PIP5K1B: variants seen among roughly 807,000 people sequenced by gnomAD.
PIP5K1B encodes the protein phosphatidylinositol-4-phosphate 5-kinase type 1 beta.
A neutral mutation model predicts 67.0 loss-of-function variants in PIP5K1B; 42 were observed. The observed-to-expected ratio is 0.63, with a 90% CI of 0.49 to 0.81. The LOEUF is 0.81. Among genes scored for constraint, PIP5K1B ranks in the 30% least tolerant of loss-of-function variants. The pLI is 0.00. For missense variants in PIP5K1B, 459 were observed against 646.3 expected (o/e 0.71, Z 3.14); for synonymous variants, 214 against 231.4 (o/e 0.92, Z 0.68).
chr9:68,838,732 C>T (rs1312659546), intron 4 of PIP5K1B, among the ~76,000 whole-genome samples: 5 of 152,078 alleles, frequency 3.3e-5, no homozygotes, highest in African/African-American at 1.2e-4. Flanking sequence ...TGCACTTGTA[C>T]CCCTGAATCT....
At chr9:68,811,033 A>G (rs914558209) in intron 2 of PIP5K1B, among the ~76,000 whole-genome samples, 1 of 152,170 alleles carries the variant, frequency 6.6e-6, no homozygotes, top group Admixed American at 6.5e-5. Flanking sequence ...ACTCCAGGAA[A>G]ATCATCCCAA....
intron 12 of PIP5K1B, among the ~76,000 whole-genome samples, chr9:68,926,418 T>C (rs1826704057): frequency 6.6e-6 from 1 of 152,186 alleles, no homozygotes; most frequent in Non-Finnish European, 1.5e-5. Flanking sequence ...CTATTGACAT[T>C]TTCTCATTTT....
intron 2 of PIP5K1B, chr9:68,780,946 T>C (rs1831231962): frequency 1.2e-6 from 2 of 1,613,746 alleles, no homozygotes; most frequent in South Asian, 2.2e-5. Context: ...CCAGCGAAAG[T>C]CAGCACTACC....
intron 4 of PIP5K1B, among the ~76,000 whole-genome samples, chr9:68,860,938 T>A (rs190207596): frequency 6.6e-6 from 1 of 152,266 alleles, no homozygotes; most frequent in Admixed American, 6.5e-5. Flanking sequence ...AGTGCCTACC[T>A]CATACAGTCG....
At chr9:68,826,203 AT>A (rs1226751431) in intron 4 of PIP5K1B, among the ~76,000 whole-genome samples, 1 of 152,212 alleles carries the variant, frequency 6.6e-6, no homozygotes, top group East Asian at 1.9e-4. Context: ...AGAGTGGAGT[AT>A]TTCCATTATC....
chr9:68,979,497 G>A (rs911076416), intron 14 of PIP5K1B, among the ~76,000 whole-genome samples: 1 of 22,952 alleles, frequency 4.4e-5, no homozygotes, highest in Non-Finnish European at 1.1e-4. Flanking sequence ...CTTGGATGAG[G>A]GTTCCTCTTT....
chr9:68,892,350 G>A (rs960158399), intron 7 of PIP5K1B, among the ~76,000 whole-genome samples: 3 of 152,136 alleles, frequency 2.0e-5, no homozygotes, highest in African/African-American at 7.2e-5. Flanking sequence ...AAAATAGTAG[G>A]CCTGCTATAG....
chr9:68,740,474 C>T (rs772141046), intron 1 of PIP5K1B, among the ~76,000 whole-genome samples: 1 of 152,136 alleles, frequency 6.6e-6, no homozygotes, highest in African/African-American at 2.4e-5. Context: ...ACAGAAATAA[C>T]CTGTGTCTTC....
At chr9:68,835,211 T>C (rs532591564) in intron 4 of PIP5K1B, among the ~76,000 whole-genome samples, 3 of 152,214 alleles carry the variant, frequency 2.0e-5, no homozygotes, top group Non-Finnish European at 4.4e-5. Context: ...CTCAAAATCA[T>C]AGAGGAGTGT....
At position 68,731,773 on chromosome 9, in the gene PIP5K1B, G is replaced by A. The variant is rs77029163; in HGVS notation, c.-242-10728G>A. On this transcript the variant is annotated intron_variant, in intron 1 of 15. Coordinates refer to ENST00000265382, the MANE Select transcript of PIP5K1B (RefSeq NM_003558.4). Reference sequence around the variant, plus strand: ...ATGGTTTGTATAACCCAAATTTGAAGAAAGGCTGGTACACAGGGCAAATGC... The same window carrying A: ...ATGGTTTGTATAACCCAAATTTGAAAAAAGGCTGGTACACAGGGCAAATGC... 9.6e-3 allele frequency among the ~76,000 whole-genome samples: 1,466 copies of A among 152,320 alleles called. 26 individuals carry two copies. The highest frequency in any genetic ancestry group is 0.033 in the African/African-American group (1,368 of 41,564).
chr9:68,771,100 GCT>G (rs757286554), intron 2 of PIP5K1B, among the ~76,000 whole-genome samples: 4 of 152,130 alleles, frequency 2.6e-5, no homozygotes, highest in Non-Finnish European at 5.9e-5. Flanking sequence ...AAGCATCCTA[GCT>G]CTCTCGGATG....
At chr9:68,976,348 C>A (rs1292249282) in intron 14 of PIP5K1B, among the ~76,000 whole-genome samples, 2 of 152,286 alleles carry the variant, frequency 1.3e-5, no homozygotes, top group African/African-American at 4.8e-5. Context: ...GGCTAAGAAT[C>A]AAAACTTTTG....
chr9:68,885,446 G>A (rs77930332), intron 6 of PIP5K1B, among the ~76,000 whole-genome samples: 3,263 of 152,236 alleles, frequency 0.021, 97 homozygotes, highest in African/African-American at 0.071. Context: ...TTTAAAAAGT[G>A]GATTTTAAAT....
intron 2 of PIP5K1B, chr9:68,788,970 G>T: frequency 3.0e-6 from 1 of 337,304 alleles, no homozygotes; most frequent in Non-Finnish European, 5.7e-6. Context: ...GATGGAAGCT[G>T]ATATCATCCA....
intron 6 of PIP5K1B, among the ~76,000 whole-genome samples, chr9:68,877,776 T>C (rs1823974572): frequency 6.6e-6 from 1 of 152,232 alleles, no homozygotes; most frequent in South Asian, 2.1e-4. Flanking sequence ...TGAATGATCT[T>C]CTTTATTTGG....
intron 6 of PIP5K1B, among the ~76,000 whole-genome samples, chr9:68,880,586 C>T (rs1363842694): frequency 4.1e-5 from 2 of 48,774 alleles, no homozygotes; most frequent in Middle Eastern, 0.014. Context: ...CACACACACA[C>T]ACGCATACAC....
At chr9:68,913,533 C>A (rs1321052671) in intron 8 of PIP5K1B, among the ~76,000 whole-genome samples, 1 of 152,226 alleles carries the variant, frequency 6.6e-6, no homozygotes, top group East Asian at 1.9e-4. Flanking sequence ...AAGTACGTGA[C>A]TAAAATCTGT....
At chr9:68,931,279 A>C (rs921173397) in intron 12 of PIP5K1B, among the ~76,000 whole-genome samples, 1 of 152,250 alleles carries the variant, frequency 6.6e-6, no homozygotes, top group African/African-American at 2.4e-5. Context: ...ATAAGAGTTA[A>C]ATTAATTTGT....
intron 6 of PIP5K1B, among the ~76,000 whole-genome samples, chr9:68,882,742 A>C (rs1240035266): frequency 6.6e-6 from 1 of 152,258 alleles, no homozygotes; most frequent in Admixed American, 6.5e-5. Context: ...TGGAACAAAG[A>C]ATCCAAATTC....
Sources: gnomAD v4.1 joint callset for allele counts (sites outside exome capture counted in the v4.1 genomes callset) on GRCh38, gnomAD v4.1.1 for gene constraint, MANE v1.5 for transcripts, NCBI Gene and HGNC (gene_info 2026-07-23, HGNC 2026-07-21) for gene names.